The following THADA variants were observed in gnomAD, a reference collection of about 807,000 sequenced individuals.
THADA encodes the protein tRNA (32-2'-O)-methyltransferase regulator THADA.
A neutral mutation model predicts 219.8 loss-of-function variants in THADA; 213 were observed. That is an observed-to-expected ratio of 0.97 (90% CI 0.87 to 1.09). The LOEUF is 1.09. Ranked by LOEUF, THADA falls within the 50% of genes least tolerant of loss-of-function variation. THADA has a pLI of 0.00. For synonymous variants in THADA, 1,018 were observed against 828.9 expected (o/e 1.23, Z -3.92); for missense variants, 2,956 against 2,311.3 (o/e 1.28, Z -5.72).
intron 36 of THADA, among the ~76,000 whole-genome samples, chr2:43,256,631 G>C (rs944123314): frequency 2.0e-5 from 3 of 149,954 alleles, no homozygotes; most frequent in East Asian, 3.9e-4. Flanking sequence ...TTTTGGTAGA[G>C]ACAGAGTATG....
intron 28 of THADA, chr2:43,408,242 C>G (rs1440417063): frequency 6.6e-6 from 1 of 152,212 alleles, no homozygotes; most frequent in African/African-American, 2.4e-5. Context: ...CCCTGGTATC[C>G]TCTCTCAGTA....
At chr2:43,304,577 T>A (rs1676628156) in intron 31 of THADA, among the ~76,000 whole-genome samples, 1 of 152,114 alleles carries the variant, frequency 6.6e-6, no homozygotes, top group African/African-American at 2.4e-5. Context: ...TTTGCAGACA[T>A]AACTGTTCTA....
chr2:43,564,531 C>T (rs986742090), intron 15 of THADA: 17 of 152,236 alleles, frequency 1.1e-4, no homozygotes, highest in African/African-American at 3.9e-4. Context: ...TTTGATCCAT[C>T]AAGATAATCT....
chr2:43,340,093 T>G (rs1666912167), intron 30 of THADA, among the ~76,000 whole-genome samples: 1 of 152,230 alleles, frequency 6.6e-6, no homozygotes. Flanking sequence ...GTTTCTGGTC[T>G]AGGTCAGTTT....
Position 43,590,949 on chromosome 2 carries a change from C to T in THADA, c.177G>A (p.Val59=), listed in dbSNP as rs1427263040. The stretch of plus-strand genomic sequence containing the variant: ...TTTTATCTGCTTTCTCCAGCAGAGG[C>T]ACAATCTATAATACAAAACATTGAA... The part of the protein sequence containing the change: ...VSQIHYIKQI[V]PLLEKADKNG... The change falls in exon 4 of 38, where the codon GTG becomes GTA. Residue 59 remains valine (V), a synonymous_variant. Transcript: ENST00000405975. 3.1e-6 allele frequency: 5 copies of T among 1,611,950 alleles called. No homozygotes were observed. Among genetic ancestry groups the T allele is most frequent in the Admixed American group, 1.7e-5 (1 of 59,808 alleles).
At chr2:43,445,681 T>A (rs187727633) in intron 26 of THADA, among the ~76,000 whole-genome samples, 42 of 152,342 alleles carry the variant, frequency 2.8e-4, no homozygotes, top group Middle Eastern at 3.4e-3. Flanking sequence ...TTTTTGTTTT[T>A]TGTTTTTTTG....
chr2:43,541,072 A>G (rs1346571264), intron 21 of THADA, 87 bp downstream of exon 21: 4 of 1,320,238 alleles, frequency 3.0e-6, no homozygotes, highest in East Asian at 2.8e-5. Context: ...AAAATTTTAA[A>G]CCTTTTTTTA....
At chr2:43,291,651 A>T (rs1462933312) in intron 34 of THADA, 45 bp downstream of exon 34, 2 of 1,469,488 alleles carry the variant, frequency 1.4e-6, no homozygotes, top group South Asian at 2.6e-5. Flanking sequence ...AGTAAATGAG[A>T]ACAAAAAATC....
chr2:43,576,932 T>G, intron 10 of THADA, 90 bp downstream of exon 10: 1 of 1,172,540 alleles, frequency 8.5e-7, no homozygotes, highest in Non-Finnish European at 1.2e-6. Context: ...TAGCTGGGAT[T>G]AGAGGCACAA....
rs1207781995 is a variant in THADA at position 43,430,261 on chromosome 2, T to G, written c.3878A>C (p.Tyr1293Ser). Reference sequence around the variant, plus strand: ...TTCCAACTGTTTGAGAAGAAAAGGATAGAGTTCTGGGAAACGAGAGAAAAA... The same window carrying G: ...TTCCAACTGTTTGAGAAGAAAAGGAGAGAGTTCTGGGAAACGAGAGAAAAA... ...REFFSRFPELYPFLLKQLETV... is the reference protein window; with the variant it reads ...REFFSRFPELSPFLLKQLETV... The change falls in exon 27 of 38, where the codon TAT (tyrosine) becomes TCT (serine). Residue 1293 changes from tyrosine (Y) to serine (S), a missense_variant. Coordinates refer to ENST00000405975, the MANE Select transcript of THADA (RefSeq NM_022065.5). 1.3e-6 allele frequency: 2 copies of G among 1,552,388 alleles called. No homozygotes were observed. Among genetic ancestry groups the G allele is most frequent in the Non-Finnish European group, 1.7e-6 (2 of 1,147,846 alleles).
In THADA at chr2:43,293,222, C is replaced by T. The variant is rs374957103; in HGVS notation, c.4439-9G>A. ...GCCAAGACTCTCCAGAACTAAGAAG[C>T]AAAAAAAGCAAAAGGGAAAGAGATA... is the stretch of plus-strand genomic sequence containing the variant. On this transcript the variant is annotated splice_polypyrimidine_tract_variant and intron_variant, in intron 31 of 37. Transcript: ENST00000405975. 7 of 1,575,106 alleles carry T rather than the reference C, an allele frequency of 4.4e-6. No homozygotes were observed. The Admixed American group carries it at 5.7e-5, about 13-fold the overall frequency.
intron 36 of THADA, among the ~76,000 whole-genome samples, chr2:43,248,158 T>TAGAGAGAGAGAGAGAGAGAGAG (rs1558464105): frequency 1.5e-5 from 1 of 65,190 alleles, no homozygotes; most frequent in African/African-American, 8.4e-5. Context: ...TATATATATA[T>TAGAGAGAGAGAGAGAGAGAGAG]ATATATAGAG....
chr2:43,348,496 T>C (rs904236986), intron 29 of THADA, among the ~76,000 whole-genome samples: 1 of 152,222 alleles, frequency 6.6e-6, no homozygotes, highest in Non-Finnish European at 1.5e-5. Flanking sequence ...CCCCTGTGTT[T>C]ATACTCATCC....
At position 43,586,411 on chromosome 2, in the gene THADA, C is replaced by G; in HGVS notation, c.523G>C (p.Glu175Gln). Residue 175 changes from glutamate (E) to glutamine (Q), a missense_variant, in exon 7 of 38, where the codon GAA becomes CAA. Coordinates refer to ENST00000405975, the MANE Select transcript of THADA (RefSeq NM_022065.5). ...ACATATAGCACTTGCCTATTTTCTT[C>G]CAGGATTTCAATTAAACTCTTCTGC... Reference protein sequence around the residue: ...FLQKSLIEILEENRKCAGNHI... With the variant: ...FLQKSLIEILQENRKCAGNHI... 1 of 1,584,256 alleles carries G rather than the reference C, an allele frequency of 6.3e-7. No homozygotes were observed. Among genetic ancestry groups the G allele is most frequent in the Non-Finnish European group, 8.6e-7 (1 of 1,165,930 alleles).
chr2:43,415,365 G>C (rs1181539927), intron 28 of THADA, among the ~76,000 whole-genome samples: 1 of 152,164 alleles, frequency 6.6e-6, no homozygotes, highest in African/African-American at 2.4e-5. Context: ...GTCTGGGTCA[G>C]TGACTACAGT....
chr2:43,278,558 G>A (rs930333838), intron 36 of THADA, among the ~76,000 whole-genome samples: 2 of 152,180 alleles, frequency 1.3e-5, no homozygotes, highest in Non-Finnish European at 2.9e-5. Flanking sequence ...GGGGCTGAGG[G>A]GAGCCTGCTT....
chr2:43,513,232 T>C (rs1690722723), intron 22 of THADA, among the ~76,000 whole-genome samples: 3 of 152,202 alleles, frequency 2.0e-5, no homozygotes, highest in African/African-American at 4.8e-5. Context: ...AAAGTTTCAA[T>C]TGAAATGATA....
At chr2:43,566,262 C>T (rs1343286270) in intron 15 of THADA, 2 of 488,412 alleles carry the variant, frequency 4.1e-6, no homozygotes, top group East Asian at 6.7e-5. Context: ...CTTTCCGAAA[C>T]CAGACTGAGG....
At chr2:43,290,872 A>C (rs1410307869) in intron 34 of THADA, among the ~76,000 whole-genome samples, 2 of 151,896 alleles carry the variant, frequency 1.3e-5, no homozygotes, top group Non-Finnish European at 2.9e-5. Flanking sequence ...TGTTTTTCTT[A>C]CTTCGGTTCT....
Sources: gnomAD v4.1 joint callset for allele counts (sites outside exome capture counted in the v4.1 genomes callset) on GRCh38, gnomAD v4.1.1 for gene constraint, MANE v1.5 for transcripts, NCBI Gene and HGNC (gene_info 2026-07-23, HGNC 2026-07-21) for gene names.